Variants in SLC16A10 observed in about 807,000 individuals in gnomAD.
The protein encoded by SLC16A10 is solute carrier family 16 member 10.
Under a neutral mutation model 40.0 loss-of-function variants are expected in SLC16A10, and 27 were observed. The observed-to-expected ratio is 0.67, with a 90% CI of 0.50 to 0.93. The LOEUF (loss-of-function observed/expected upper bound fraction) is 0.93, where lower values mean the gene tolerates loss of function less well. SLC16A10 is among the 40% of genes least tolerant of loss of function. The pLI is 0.00. For missense variants in SLC16A10, 529 were observed against 658.2 expected, an observed-to-expected ratio of 0.80 and a Z score of 2.15; for synonymous variants, 213 against 249.8, an observed-to-expected ratio of 0.85 and a Z score of 1.39.
intron 1 of SLC16A10, among the ~76,000 whole-genome samples, chr6:111,113,298 C>T (rs561341387): frequency 6.6e-6 from 1 of 152,260 alleles, no homozygotes; most frequent in Non-Finnish European, 1.5e-5. Context: ...ATATTTAATA[C>T]ACCCCTGTAA....
intron 1 of SLC16A10, among the ~76,000 whole-genome samples, chr6:111,112,344 AT>A (rs1183908421): frequency 6.6e-6 from 1 of 152,114 alleles, no homozygotes; most frequent in East Asian, 1.9e-4. Context: ...CAGTATTTGT[AT>A]TTTTGATACT....
chr6:111,141,800 G>T (rs1771987488), intron 1 of SLC16A10, among the ~76,000 whole-genome samples: 1 of 152,126 alleles, frequency 6.6e-6, no homozygotes, highest in Non-Finnish European at 1.5e-5. Context: ...AGAAATAAAA[G>T]AACCAAATAA....
chr6:111,113,080 A>C (rs1771418685), intron 1 of SLC16A10, among the ~76,000 whole-genome samples: 1 of 152,202 alleles, frequency 6.6e-6, no homozygotes, highest in Admixed American at 6.5e-5. Context: ...TTAAAATATT[A>C]AATTTTAAAA....
At chr6:111,111,396 T>G (rs1201995573) in intron 1 of SLC16A10, among the ~76,000 whole-genome samples, 1 of 152,194 alleles carries the variant, frequency 6.6e-6, no homozygotes, top group East Asian at 1.9e-4. Flanking sequence ...GAGAACATTT[T>G]AACATCCACT....
rs539355822 is a variant in SLC16A10 at position 111,098,272 on chromosome 6, C to T, written c.343+10177C>T. On this transcript the variant is annotated intron_variant, in intron 1 of 5. Transcript: ENST00000368851. ...AATGAGCCAAGATCATGCCATTGTA[C>T]TCCAGCCTGGGCAACAAGAGTGAAA... Among the ~76,000 whole-genome samples, 8 of 152,192 alleles carry T rather than the reference C, an allele frequency of 5.3e-5. No homozygotes were observed. In the East Asian group the frequency reaches 1.2e-3, roughly 22 times the overall value.
At chr6:111,161,990 A>G (rs1772380424) in intron 1 of SLC16A10, among the ~76,000 whole-genome samples, 4 of 152,206 alleles carry the variant, frequency 2.6e-5, no homozygotes, top group Admixed American at 2.6e-4. Flanking sequence ...GCTGATGATC[A>G]CTGGTTGGTT....
At position 111,087,675 on chromosome 6, in the gene SLC16A10, C is replaced by G. The variant is rs1583295079; in HGVS notation, c.-78C>G. The G allele has an allele frequency of 1.4e-5, 12 of 852,984 alleles. No homozygotes were observed. In the South Asian group the frequency reaches 4.8e-4, roughly 34 times the overall value. The allele number at this position is 852,984 out of a possible 1,614,324, so 52.8% of individuals were successfully genotyped here. A position where few individuals can be genotyped will look rare whatever the true frequency, so the allele number is the denominator to read the frequency against. ...TCGGCCTCGTTAGCCCGCCAGGAGC[C>G]CCGCAGCTCCTCCGGGAGCCCGCTG... is the stretch of plus-strand genomic sequence containing the variant. On this transcript the variant is annotated 5_prime_UTR_variant, in exon 1 of 6. Coordinates refer to ENST00000368851, the MANE Select transcript of SLC16A10 (RefSeq NM_018593.5).
intron 4 of SLC16A10, among the ~76,000 whole-genome samples, chr6:111,214,125 T>C (rs557344593): frequency 5.2e-4 from 79 of 152,286 alleles, no homozygotes; most frequent in African/African-American, 1.9e-3. Context: ...ATACACTAAC[T>C]CATAGAAGGT....
chr6:111,144,393 TGG>T (rs1355107298), intron 1 of SLC16A10, among the ~76,000 whole-genome samples: 1 of 152,058 alleles, frequency 6.6e-6, no homozygotes, highest in African/African-American at 2.4e-5. Context: ...TTAGTAGAGA[TGG>T]GGTTTCACCG....
rs1214806646 is a variant in SLC16A10, at chr6:111,220,014, G to A, written c.1315+972G>A. 7.2e-5 allele frequency among the ~76,000 whole-genome samples: 11 copies of A among 152,194 alleles called. No homozygotes were observed. The East Asian group carries it at 1.9e-3, about 27-fold the overall frequency. ...GGAGGCGAGAGGATCTATTGCGCCT[G>A]GGAGATCAAGGCTGCAGAGCCGTGA... On this transcript the variant is annotated intron_variant, in intron 5 of 5. Coordinates refer to ENST00000368851, the MANE Select transcript of SLC16A10 (RefSeq NM_018593.5).
intron 1 of SLC16A10, among the ~76,000 whole-genome samples, chr6:111,130,168 T>C (rs960386945): frequency 2.6e-5 from 4 of 152,242 alleles, no homozygotes; most frequent in Non-Finnish European, 5.9e-5. Flanking sequence ...TGCCACACTT[T>C]ATCATAACAA....
At chr6:111,092,558 C>G (rs575231317) in intron 1 of SLC16A10, among the ~76,000 whole-genome samples, 1 of 150,272 alleles carries the variant, frequency 6.7e-6, no homozygotes, top group Non-Finnish European at 1.5e-5. Context: ...TCGTGATCCA[C>G]CTGCCTCGGC....
intron 1 of SLC16A10, among the ~76,000 whole-genome samples, chr6:111,140,402 G>A (rs951573092): frequency 2.0e-5 from 3 of 152,042 alleles, no homozygotes; most frequent in Non-Finnish European, 4.4e-5. Context: ...GGTCAAGGCT[G>A]CAGTGAGCTG....
At chr6:111,157,846 T>A (rs1395092107) in intron 1 of SLC16A10, among the ~76,000 whole-genome samples, 1 of 151,704 alleles carries the variant, frequency 6.6e-6, no homozygotes, top group African/African-American at 2.4e-5. Context: ...AAATAGTTTA[T>A]GTAGGTAAAT....
intron 1 of SLC16A10, among the ~76,000 whole-genome samples, chr6:111,165,184 T>G (rs931616443): frequency 6.6e-6 from 1 of 152,158 alleles, no homozygotes; most frequent in African/African-American, 2.4e-5. Context: ...TAATAAATAG[T>G]TATAGCTGGA....
chr6:111,153,909 A>G (rs1451103971), intron 1 of SLC16A10, among the ~76,000 whole-genome samples: 2 of 152,164 alleles, frequency 1.3e-5, no homozygotes, highest in Non-Finnish European at 2.9e-5. Flanking sequence ...GCCACCACCC[A>G]TATGGTTTCT....
chr6:111,103,398 A>C (rs558859531), intron 1 of SLC16A10, among the ~76,000 whole-genome samples: 6 of 152,010 alleles, frequency 3.9e-5, no homozygotes, highest in Admixed American at 3.9e-4. Context: ...TTGTATTTTT[A>C]GTAGAAATGG....
At chr6:111,197,981 A>G in intron 3 of SLC16A10, among the ~76,000 whole-genome samples, 1 of 152,150 alleles carries the variant, frequency 6.6e-6, no homozygotes, top group African/African-American at 2.4e-5. Context: ...ACAAACATTC[A>G]AACCATATCA....
chr6:111,180,463 C>T (rs145140977), intron 3 of SLC16A10, among the ~76,000 whole-genome samples: 1,962 of 152,216 alleles, frequency 0.013, 46 homozygotes, highest in African/African-American at 0.045. Context: ...GTGGAAGGAT[C>T]GCATGAGCCC....
Sources: allele counts gnomAD v4.1 joint callset (sites outside exome capture counted in the v4.1 genomes callset), GRCh38; gene constraint gnomAD v4.1.1; transcripts MANE v1.5; gene names NCBI Gene and HGNC (gene_info 2026-07-23, HGNC 2026-07-21).